Variants in HSPA12A observed in about 807,000 individuals in gnomAD.
HSPA12A encodes the protein heat shock protein family A (Hsp70) member 12A.
In HSPA12A, 28 loss-of-function variants were observed where a neutral mutation model predicts 69.2. The ratio of observed to expected loss-of-function variants is 0.40; its 90% CI spans 0.30 to 0.55. The LOEUF is 0.55. Among genes scored for constraint, HSPA12A ranks in the 20% least tolerant of loss-of-function variants. The pLI is 0.38. For synonymous variants in HSPA12A, 345 were observed against 370.5 expected, an observed-to-expected ratio of 0.93 and a Z score of 0.79; for missense variants, 686 against 900.7, an observed-to-expected ratio of 0.76 and a Z score of 3.05.
intron 1 of HSPA12A, among the ~76,000 whole-genome samples, chr10:116,712,474 G>A (rs782134716): frequency 2.6e-5 from 4 of 152,138 alleles, no homozygotes; most frequent in South Asian, 2.1e-4. Flanking sequence ...AATCCTCATC[G>A]CTGGTCTTAT....
intron 6 of HSPA12A, among the ~76,000 whole-genome samples, chr10:116,685,905 T>A (rs1554879451): frequency 2.0e-5 from 3 of 152,170 alleles, no homozygotes; most frequent in African/African-American, 7.2e-5. Flanking sequence ...ACCACCACTC[T>A]CGTGTCCTGC....
At chr10:116,721,896 A>G (rs1356294955) in intron 1 of HSPA12A, among the ~76,000 whole-genome samples, 1 of 152,208 alleles carries the variant, frequency 6.6e-6, no homozygotes, top group Non-Finnish European at 1.5e-5. Flanking sequence ...GAGTGAACAC[A>G]CGTGGCCTTC....
chr10:116,728,621 G>A (rs1352563506), intron 1 of HSPA12A, among the ~76,000 whole-genome samples: 1 of 152,192 alleles, frequency 6.6e-6, no homozygotes, highest in Non-Finnish European at 1.5e-5. Flanking sequence ...CTTTCCAACT[G>A]AGCCAGAGGT....
chr10:116,781,827 C>CAACA (rs1554891837), intron 2 of HSPA12A, among the ~76,000 whole-genome samples: 38 of 152,184 alleles, frequency 2.5e-4, no homozygotes, highest in African/African-American at 8.2e-4. Flanking sequence ...CAATCTGACT[C>CAACA]AACAAACAAA....
At chr10:116,772,127 C>T (rs1199004449) in intron 2 of HSPA12A, among the ~76,000 whole-genome samples, 4 of 152,138 alleles carry the variant, frequency 2.6e-5, no homozygotes, top group African/African-American at 7.2e-5. Context: ...ATGGTGTTCC[C>T]GCCTTGGGAC....
At chr10:116,785,054 A>G (rs1461320820) in intron 2 of HSPA12A, among the ~76,000 whole-genome samples, 1 of 152,122 alleles carries the variant, frequency 6.6e-6, no homozygotes, top group Non-Finnish European at 1.5e-5. Flanking sequence ...TTGAGGACCA[A>G]CAAGAGGCTC....
At chr10:116,722,275 C>G (rs542298172) in intron 1 of HSPA12A, among the ~76,000 whole-genome samples, 2 of 152,320 alleles carry the variant, frequency 1.3e-5, no homozygotes, top group South Asian at 2.1e-4. Flanking sequence ...AATCCTCCCC[C>G]ACAGAGCCCA....
chr10:116,797,592 G>A (rs372923041), intron 2 of HSPA12A, among the ~76,000 whole-genome samples: 3 of 152,290 alleles, frequency 2.0e-5, no homozygotes, highest in African/African-American at 4.8e-5. Context: ...GTATTGACAC[G>A]CTGTTCAGTA....
exon 1 of HSPA12A, chr10:116,849,741 T>A: frequency 6.7e-7 from 1 of 1,502,972 alleles, no homozygotes; most frequent in East Asian, 2.5e-5. Context: ...GGTAGGGACC[T>A]GGGACAAGCG....
intron 5 of HSPA12A, among the ~76,000 whole-genome samples, chr10:116,695,226 T>TAGTA (rs1312603468): frequency 6.6e-6 from 1 of 152,154 alleles, no homozygotes; most frequent in African/African-American, 2.4e-5. Flanking sequence ...CTCTCGGGAT[T>TAGTA]ACTGGGGTCT....
Position 116,710,926 on chromosome 10 carries a change from C to G in HSPA12A, c.41-3641G>C, listed in dbSNP as rs914273197. On this transcript the variant is annotated intron_variant, in intron 1 of 11. Coordinates refer to ENST00000369209, the MANE Select transcript of HSPA12A (RefSeq NM_025015.3). This position sits in a 1 kb window ranked among gnomAD's most constrained non-coding sequence, Gnocchi z 4.1. ...GGAAAAAAAACGGAAAAGCCTATCT[C>G]ACCCCCTGAGGAGAATGGGGAGTTT... Among the ~76,000 whole-genome samples the G allele has an allele frequency of 1.3e-5, 2 of 152,210 alleles. No individual in the cohort carries two copies. Among genetic ancestry groups the G allele is most frequent in the African/African-American group, 2.4e-5 (1 of 41,450 alleles).
upstream of HSPA12A, chr10:116,849,966 G>A (rs1220553876): frequency 1.4e-5 from 10 of 697,268 alleles, no homozygotes; most frequent in Non-Finnish European, 2.6e-5. Context: ...GAAAGAGGGC[G>A]CTAGGCGTAT....
In HSPA12A at chr10:116,816,090, G is replaced by C. The variant is rs111568543; in HGVS notation, c.91+18845C>G. 2.3e-3 allele frequency among the ~76,000 whole-genome samples: 343 copies of C among 152,290 alleles called. 1 individual carries two copies. Among genetic ancestry groups the C allele is most frequent in the African/African-American group, 7.7e-3 (321 of 41,560 alleles). ...TTATGGGAGAGGAAACTGAGGCTTG[G>C]AGAAGGAAAGGAACTCGCATGCTGG... On this transcript the variant is annotated intron_variant, in intron 2 of 12. Transcript: ENST00000635765.
intron 6 of HSPA12A, among the ~76,000 whole-genome samples, chr10:116,684,729 A>C (rs2132918136): frequency 6.6e-6 from 1 of 152,334 alleles, no homozygotes; most frequent in South Asian, 2.1e-4. Flanking sequence ...ATATAGTAAT[A>C]AATATTCCTT....
chr10:116,742,317 G>T, intron 1 of HSPA12A, 113 bp downstream of exon 1: 1 of 1,128,326 alleles, frequency 8.9e-7, no homozygotes, highest in Non-Finnish European at 1.2e-6. Context: ...GATGCAGCGC[G>T]GGCGTCCCCA....
intron 1 of HSPA12A, among the ~76,000 whole-genome samples, chr10:116,839,621 A>C (rs1474438990): frequency 1.3e-5 from 2 of 151,806 alleles, no homozygotes; most frequent in Admixed American, 6.6e-5. Flanking sequence ...AAAAAAAAAA[A>C]AAAAAAAAAC....
At chr10:116,821,144 T>C (rs773309715) in intron 2 of HSPA12A, among the ~76,000 whole-genome samples, 4 of 152,182 alleles carry the variant, frequency 2.6e-5, no homozygotes, top group Non-Finnish European at 5.9e-5. Context: ...AACATGACCT[T>C]TGGGATCTTT....
At chr10:116,696,007 A>AAAAAAAAAAAAAAAC (rs1849890225) in intron 5 of HSPA12A, among the ~76,000 whole-genome samples, 1 of 145,104 alleles carries the variant, frequency 6.9e-6, no homozygotes, top group Non-Finnish European at 1.5e-5. Context: ...CATCTCAAAA[A>AAAAAAAAAAAAAAAC]AAAAAAAAAA....
At chr10:116,796,788 C>T (rs1201134779) in intron 2 of HSPA12A, among the ~76,000 whole-genome samples, 2 of 152,124 alleles carry the variant, frequency 1.3e-5, no homozygotes, top group Non-Finnish European at 2.9e-5. Context: ...TCTGAAGCAA[C>T]CCAAGGACAG....
Sources: gnomAD v4.1 joint callset for allele counts (sites outside exome capture counted in the v4.1 genomes callset) on GRCh38, gnomAD v4.1.1 for gene constraint, Gnocchi (gnomAD v3.1) non-coding constraint, MANE v1.5 for transcripts, NCBI Gene and HGNC (gene_info 2026-07-23, HGNC 2026-07-21) for gene names.